Variants in PDHA1 observed in about 807,000 individuals in gnomAD.
PDHA1 encodes the protein pyruvate dehydrogenase E1 component subunit alpha, somatic form, mitochondrial.
Under a neutral mutation model 33.0 loss-of-function variants are expected in PDHA1, and 1 was observed. That is an observed-to-expected ratio of 0.03 (90% confidence interval 0.01 to 0.14). PDHA1 has a LOEUF of 0.14. Among genes scored for constraint, PDHA1 ranks in the 10% least tolerant of loss-of-function variants. The pLI is 1.00. For synonymous variants in PDHA1, 123 were observed against 119.2 expected (o/e 1.03, Z -0.21); for missense variants, 168 against 325.1 (o/e 0.52, Z 3.72).
intron 8 of PDHA1, among the ~76,000 whole-genome samples, chrX:19,356,165 A>T (rs763689239): frequency 1.6e-4 from 18 of 111,931 alleles, no homozygotes; most frequent in Non-Finnish European, 3.2e-4. Flanking sequence ...TACAAATTAA[A>T]CAGTATGGTA....
intron 1 of PDHA1, chrX:19,345,754 C>A (rs781301068): frequency 7.7e-5 from 21 of 272,451 alleles, no homozygotes; most frequent in South Asian, 3.6e-4. Context: ...GTCCCCCCCC[C>A]CCCGCCACCT....
chrX:19,348,250 T>C (rs938309219), intron 1 of PDHA1, among the ~76,000 whole-genome samples: 6 of 112,328 alleles, frequency 5.3e-5, no homozygotes, highest in African/African-American at 1.9e-4. Context: ...GTTTGCTCAG[T>C]TGTAAAACTG....
At chrX:19,345,201 T>A (rs772764199) in intron 1 of PDHA1, among the ~76,000 whole-genome samples, 10 of 111,057 alleles carry the variant, frequency 9.0e-5, no homozygotes, top group Non-Finnish European at 1.9e-4. Context: ...CAGGACTTGA[T>A]ACCGCTCTAC....
At position 19,355,546 on chromosome X, in the gene PDHA1, AAGGG is replaced by A. The variant is rs771923478; in HGVS notation, c.759+43_759+46del. On this transcript the variant is annotated intron_variant, in intron 7 of 10. Coordinates refer to ENST00000422285, the MANE Select transcript of PDHA1 (RefSeq NM_000284.4). ...TGGGGCCGGGGCCAAGGCCAAGGCC[AAGGG>A]TATGTCCTTGTGCAGACCCTTGACG... 5.0e-6 allele frequency: 6 copies of A among 1,193,393 alleles called. No homozygotes were observed. In the Admixed American group the frequency reaches 1.3e-4, roughly 26 times the overall value.
At chrX:19,352,522 C>T (rs1195402889) in intron 4 of PDHA1, among the ~76,000 whole-genome samples, 4 of 112,784 alleles carry the variant, frequency 3.5e-5, no homozygotes, top group Non-Finnish European at 5.6e-5. Context: ...AGGCGTGAGC[C>T]GCCGTGCCCG....
rs368185128 is a variant in PDHA1, at chrX:19,361,635, A to C, written c.*1982A>C. The C allele has an allele frequency of 1.0e-4, 93 of 925,797 alleles. No homozygotes were observed. Among genetic ancestry groups the C allele is most frequent in the Admixed American group, 2.9e-4 (11 of 37,895 alleles). The allele number at this position is 925,797 out of a possible 1,213,427, so 76.3% of individuals were successfully genotyped here. ...TTTGTTATATATTAGTCTAACCATAAAACTCTTCAAAAGTAACCAGTTGGA... is the reference window on the plus strand; with the variant it reads ...TTTGTTATATATTAGTCTAACCATACAACTCTTCAAAAGTAACCAGTTGGA... On this transcript the variant is annotated 3_prime_UTR_variant, in exon 11 of 11. Transcript: ENST00000422285.
At chrX:19,346,656 C>T in intron 1 of PDHA1, 5 of 912,475 alleles carry the variant, frequency 5.5e-6, no homozygotes, top group Non-Finnish European at 5.5e-6. Context: ...TAAAGATTGC[C>T]ATTGTCTCAT....
At chrX:19,356,182 C>T (rs12353766) in intron 8 of PDHA1, among the ~76,000 whole-genome samples, 24,181 of 111,112 alleles carry the variant, frequency 0.22, 5,021 homozygotes, top group African/African-American at 0.66. Flanking sequence ...GGTAGAAGCT[C>T]GTAATCTTAG....
intron 1 of PDHA1, among the ~76,000 whole-genome samples, chrX:19,348,245 C>T (rs747412549): frequency 8.9e-6 from 1 of 112,396 alleles, no homozygotes; most frequent in East Asian, 2.8e-4. Context: ...AGCAGGTTTG[C>T]TCAGTTGTAA....
intron 8 of PDHA1, among the ~76,000 whole-genome samples, chrX:19,357,217 C>T (rs889751605): frequency 8.9e-6 from 1 of 111,875 alleles, no homozygotes; most frequent in Non-Finnish European, 1.9e-5. Context: ...AGGTGATCCT[C>T]CCAAGTAGCT....
rs1602219412 is a variant in PDHA1, at chrX:19,343,951, CT to C, written c.-86del. The C allele has an allele frequency of 1.0e-5, 9 of 860,301 alleles. No homozygotes were observed. Among genetic ancestry groups the C allele is most frequent in the Non-Finnish European group, 1.2e-5 (7 of 584,864 alleles). The allele number at this position is 860,301 out of a possible 1,213,427, so 70.9% of individuals were successfully genotyped here. A position where few individuals can be genotyped will look rare whatever the true frequency, so the allele number is the denominator to read the frequency against. Reference sequence around the variant, plus strand: ...CGGTGCGACTGAGGCGTGGCGTCTGCTGGGGCACCTGAAGGAGACTTGGGGG... The same window carrying C: ...CGGTGCGACTGAGGCGTGGCGTCTGCGGGGCACCTGAAGGAGACTTGGGGG... On this transcript the variant is annotated 5_prime_UTR_variant, in exon 1 of 11. Transcript: ENST00000422285.
chrX:19,361,204 T>TTGGC lies in PDHA1; in HGVS notation c.*1553_*1556dup, dbSNP rs1212420126. ...CCTGGCTTTCAGTTTCTGCCCCACCTTGGCTTTTTCCCAGCTTGAACCTAA... is the reference window on the plus strand; with the variant it reads ...CCTGGCTTTCAGTTTCTGCCCCACCTTGGCTGGCTTTTTCCCAGCTTGAACCTAA... On this transcript the variant is annotated 3_prime_UTR_variant, in exon 11 of 11. Coordinates refer to ENST00000422285, the MANE Select transcript of PDHA1 (RefSeq NM_000284.4). 1 of 508,116 alleles carries TTGGC rather than the reference T, an allele frequency of 2.0e-6. No individual in the cohort carries two copies. Among genetic ancestry groups the TTGGC allele is most frequent in the Admixed American group, 4.3e-5 (1 of 23,258 alleles). The allele number at this position is 508,116 out of a possible 1,213,427, so 41.9% of individuals were successfully genotyped here. A position where few individuals can be genotyped will look rare whatever the true frequency, so the allele number is the denominator to read the frequency against.
chrX:19,357,306 G>C, intron 8 of PDHA1: 3 of 268,715 alleles, frequency 1.1e-5, no homozygotes, highest in Non-Finnish European at 2.0e-5. Context: ...ATGTTGTCCA[G>C]GCTAGTCTCG....
At chrX:19,349,618 T>G (rs749791173) in intron 2 of PDHA1, among the ~76,000 whole-genome samples, 6 of 112,299 alleles carry the variant, frequency 5.3e-5, no homozygotes, top group Non-Finnish European at 1.1e-4. Context: ...TTCAAAAGTT[T>G]GGAATGTAAT....
chrX:19,349,894 A>C, intron 2 of PDHA1, 43 bp from the exon 3 acceptor site: 4 of 1,087,725 alleles, frequency 3.7e-6, no homozygotes, highest in Non-Finnish European at 5.1e-6. Context: ...CAGTGTTTGC[A>C]ATGTAGTATG....
Position 19,353,339 on chromosome X carries a change from A to G in PDHA1, c.510+166A>G, listed in dbSNP as rs1174692917. ...ATGATGTTGGACCCATAAGATTATA[A>G]TGGAGCTGAAAAATTCCTGTCGCCT... On this transcript the variant is annotated intron_variant, in intron 5 of 10. Transcript: ENST00000422285. The G allele has an allele frequency of 6.0e-6, 3 of 498,603 alleles. No homozygotes were observed. The African/African-American group carries it at 7.0e-5, about 12-fold the overall frequency. The allele number at this position is 498,603 out of a possible 1,213,427, so 41.1% of individuals were successfully genotyped here. A position where few individuals can be genotyped will look rare whatever the true frequency, so the allele number is the denominator to read the frequency against.
intron 4 of PDHA1, 134 bp downstream of exon 4, chrX:19,351,541 C>G: frequency 1.9e-6 from 1 of 534,422 alleles, no homozygotes; most frequent in Non-Finnish European, 3.1e-6. Context: ...CTTTGGTGCT[C>G]TGGTACTTCT....
chrX:19,358,636 A>ATGCCAGGGAAGCCATGTGACTC, intron 9 of PDHA1, among the ~76,000 whole-genome samples: 1 of 112,011 alleles, frequency 8.9e-6, no homozygotes, highest in South Asian at 3.7e-4. Flanking sequence ...TGTTGTCGGA[A>ATGCCAGGGAAGCCATGTGACTC]TGCCAGGGAA....
chrX:19,346,573 C>A, intron 1 of PDHA1: 2 of 847,183 alleles, frequency 2.4e-6, no homozygotes, highest in Non-Finnish European at 3.2e-6. Flanking sequence ...GTCCTCCCAC[C>A]TCGGCCTCCC....
Sources: gnomAD v4.1 joint callset for allele counts (sites outside exome capture counted in the v4.1 genomes callset) on GRCh38, gnomAD v4.1.1 for gene constraint, MANE v1.5 for transcripts, NCBI Gene and HGNC (gene_info 2026-07-23, HGNC 2026-07-21) for gene names.